The following C6 variants were observed in gnomAD, a reference collection of about 807,000 sequenced individuals.
The protein encoded by C6 is complement component C6.
C6 carries 101 observed loss-of-function variants against 112.9 expected under a neutral mutation model. The ratio of observed to expected loss-of-function variants is 0.89; its 90% CI spans 0.76 to 1.06. The LOEUF (loss-of-function observed/expected upper bound fraction) is 1.06, where lower values mean the gene tolerates loss of function less well. Among genes scored for constraint, C6 ranks in the 50% least tolerant of loss-of-function variants. The pLI, the probability that C6 is intolerant of heterozygous loss-of-function variation, is 0.00. For missense variants in C6, 1,202 were observed against 1,104.6 expected (o/e 1.09, Z -1.25); for synonymous variants, 431 against 384.1 (o/e 1.12, Z -1.43).
chr5:41,147,093 A>G (rs1745901232), intron 17 of C6, among the ~76,000 whole-genome samples: 1 of 152,246 alleles, frequency 6.6e-6, no homozygotes, highest in East Asian at 1.9e-4. Context: ...TATTTTCTCT[A>G]TGTATTTTTG....
At chr5:41,200,672 C>T (rs187581318) in intron 3 of C6, among the ~76,000 whole-genome samples, 12 of 152,098 alleles carry the variant, frequency 7.9e-5, no homozygotes, top group Non-Finnish European at 1.5e-4. Context: ...ATGCTCAACA[C>T]GGCCCTAACT....
At chr5:41,261,219 C>A (rs778375775) in exon 1 of C6, 4 of 985,484 alleles carry the variant, frequency 4.1e-6, no homozygotes, top group Non-Finnish European at 4.8e-6. Flanking sequence ...TGAAGAAATA[C>A]CAGCAGATAC....
At chr5:41,205,394 A>G (rs1222988095) in intron 1 of C6, among the ~76,000 whole-genome samples, 2 of 152,204 alleles carry the variant, frequency 1.3e-5, no homozygotes, top group Admixed American at 6.5e-5. Flanking sequence ...GGCGCAGTCC[A>G]TGGAGTGTGA....
At chr5:41,260,329 A>G (rs892095763) in intron 1 of C6, among the ~76,000 whole-genome samples, 40 of 152,102 alleles carry the variant, frequency 2.6e-4, no homozygotes, top group African/African-American at 9.4e-4. Context: ...GAAAAAGGAC[A>G]TACTACAAAT....
intron 1 of C6, among the ~76,000 whole-genome samples, chr5:41,240,283 GC>G (rs1740616869): frequency 6.6e-6 from 1 of 152,090 alleles, no homozygotes; most frequent in Non-Finnish European, 1.5e-5. Context: ...CTATTGGTGG[GC>G]CAAGAATGCC....
intron 1 of C6, among the ~76,000 whole-genome samples, chr5:41,247,237 A>G (rs1741075831): frequency 6.6e-6 from 1 of 152,154 alleles, no homozygotes. Context: ...ATAGGAAAAG[A>G]AGAAGTCAAA....
intron 6 of C6, among the ~76,000 whole-genome samples, 200 bp from the exon 7 acceptor site, chr5:41,181,759 A>G (rs1308553368): frequency 6.6e-6 from 1 of 152,202 alleles, no homozygotes; most frequent in East Asian, 1.9e-4. Flanking sequence ...ATAATCACCA[A>G]CACTTAATGA....
chr5:41,209,799 A>G (rs1369886073), intron 1 of C6, among the ~76,000 whole-genome samples: 1 of 152,220 alleles, frequency 6.6e-6, no homozygotes, highest in Non-Finnish European at 1.5e-5. Context: ...GCTCAAGGTA[A>G]TTTATAGATT....
rs529400385 is a variant in C6, at chr5:41,230,701, C to A, written c.-20-27451G>T. 6.6e-5 allele frequency among the ~76,000 whole-genome samples: 10 copies of A among 152,088 alleles called. No individual in the cohort carries two copies. The East Asian group carries it at 1.9e-3, about 29-fold the overall frequency. ...TGTGACCTACTCTCTGTTCGTACACCCCCTCCCCTTTTAAAATCCCTAATA... is the reference window on the plus strand; with the variant it reads ...TGTGACCTACTCTCTGTTCGTACACACCCTCCCCTTTTAAAATCCCTAATA... On this transcript the variant is annotated intron_variant, in intron 1 of 17. Coordinates refer to the C6 transcript ENST00000263413.
intron 9 of C6, 93 bp downstream of exon 9, chr5:41,172,132 G>C (rs1478956196): frequency 1.0e-5 from 13 of 1,302,152 alleles, no homozygotes; most frequent in Non-Finnish European, 1.3e-5. Context: ...TAAATGAAAA[G>C]CTAAAAATAG....
intron 1 of C6, among the ~76,000 whole-genome samples, chr5:41,251,115 T>C (rs1280367834): frequency 6.6e-6 from 1 of 152,234 alleles, no homozygotes; most frequent in Non-Finnish European, 1.5e-5. Context: ...GAGTTTTGAA[T>C]TGAAACTCTA....
intron 1 of C6, among the ~76,000 whole-genome samples, chr5:41,251,134 T>C (rs1741333187): frequency 6.6e-6 from 1 of 152,200 alleles, no homozygotes; most frequent in African/African-American, 2.4e-5. Flanking sequence ...TAGGTCCATC[T>C]TACATATTAT....
chr5:41,210,736 C>A (rs563121892), intron 1 of C6, among the ~76,000 whole-genome samples: 8 of 152,250 alleles, frequency 5.3e-5, no homozygotes, highest in Admixed American at 4.6e-4. Flanking sequence ...AGTGAGGAAA[C>A]AACAGGTGCT....
At chr5:41,227,362 T>C (rs1739585107) in intron 1 of C6, among the ~76,000 whole-genome samples, 2 of 152,104 alleles carry the variant, frequency 1.3e-5, no homozygotes. Flanking sequence ...AAACTCTTCA[T>C]CAGACGTATG....
chr5:41,220,171 T>C (rs1739080194), intron 1 of C6, among the ~76,000 whole-genome samples: 1 of 152,196 alleles, frequency 6.6e-6, no homozygotes, highest in African/African-American at 2.4e-5. Flanking sequence ...TGCCATGTTT[T>C]TCAAACACTT....
At chr5:41,217,192 T>C (rs1752224966), upstream of C6, among the ~76,000 whole-genome samples, 1 of 152,124 alleles carries the variant, frequency 6.6e-6, no homozygotes, top group Admixed American at 6.6e-5. Flanking sequence ...ATTTTCACAC[T>C]TTAGATCAGA....
rs186822346 is a variant in C6 at position 41,209,413 on chromosome 5, A to C, written c.-21+3963T>G. On this transcript the variant is annotated intron_variant, in intron 1 of 17. Coordinates refer to ENST00000337836, the MANE Select transcript of C6 (RefSeq NM_000065.5). ...AAGAAATAAAGGGTATTCAATTAGGAAAAGAGGGAATGAAATTGTCCCTGT... is the reference window on the plus strand; with the variant it reads ...AAGAAATAAAGGGTATTCAATTAGGCAAAGAGGGAATGAAATTGTCCCTGT... 2.6e-5 allele frequency among the ~76,000 whole-genome samples: 4 copies of C among 152,312 alleles called. No homozygotes were observed. The East Asian group carries it at 7.7e-4, about 29-fold the overall frequency.
At chr5:41,243,237 G>T (rs1459379478) in intron 1 of C6, among the ~76,000 whole-genome samples, 3 of 152,046 alleles carry the variant, frequency 2.0e-5, no homozygotes, top group African/African-American at 7.2e-5. Flanking sequence ...ATTCCACATT[G>T]TATTCATAAA....
intron 1 of C6, chr5:41,212,989 A>G (rs1045588150): frequency 6.6e-6 from 1 of 150,512 alleles, no homozygotes; most frequent in Non-Finnish European, 1.5e-5. Flanking sequence ...AACTTACTGA[A>G]TTTCTTATTT....
Sources: gnomAD v4.1 joint callset for allele counts (sites outside exome capture counted in the v4.1 genomes callset) on GRCh38, gnomAD v4.1.1 for gene constraint, MANE v1.5 for transcripts, NCBI Gene and HGNC (gene_info 2026-07-23, HGNC 2026-07-21) for gene names.